CCDC91: variants seen among roughly 807,000 people sequenced by gnomAD.
The protein encoded by CCDC91 is coiled-coil domain-containing protein 91.
CCDC91 carries 48 observed loss-of-function variants against 63.2 expected under a neutral mutation model. That is an observed-to-expected ratio of 0.76 (90% confidence interval 0.60 to 0.97). The LOEUF (loss-of-function observed/expected upper bound fraction) is 0.97, where lower values mean the gene tolerates loss of function less well. Ranked by LOEUF, CCDC91 falls within the 50% of genes least tolerant of loss-of-function variation. The pLI, the probability that CCDC91 is intolerant of heterozygous loss-of-function variation, is 0.00. For synonymous variants in CCDC91, 167 were observed against 165.8 expected, an observed-to-expected ratio of 1.01 and a Z score of -0.06; for missense variants, 500 against 494.6, an observed-to-expected ratio of 1.01 and a Z score of -0.10.
At chr12:28,465,021 G>A (rs1950484468) in intron 11 of CCDC91, among the ~76,000 whole-genome samples, 1 of 152,122 alleles carries the variant, frequency 6.6e-6, no homozygotes, top group South Asian at 2.1e-4. Context: ...AAGAGCCCTT[G>A]GGCCTTAAGG....
Position 28,219,978 on chromosome 12 carries a change from C to G in CCDC91, c.-15+29337C>G, listed in dbSNP as rs138778503. ...TATCTTTTCAACCCTTTAATTTTAT[C>G]TCTTTTGTGTTTTCATAGTAAAAGT... On this transcript the variant is annotated intron_variant, in intron 1 of 12. Transcript: ENST00000536442. Among the ~76,000 whole-genome samples the G allele has an allele frequency of 1.1e-3, 162 of 151,880 alleles. 1 individual carries two copies. Among genetic ancestry groups the G allele is most frequent in the African/African-American group, 3.8e-3 (156 of 41,416 alleles).
At chr12:28,476,616 G>C (rs1172671905) in intron 11 of CCDC91, among the ~76,000 whole-genome samples, 1 of 151,990 alleles carries the variant, frequency 6.6e-6, no homozygotes, top group Non-Finnish European at 1.5e-5. Flanking sequence ...AAATAACTAA[G>C]ATCAGAGCAA....
chr12:28,496,920 GTATATATATACATATATATATACA>G (rs951724782), intron 12 of CCDC91, among the ~76,000 whole-genome samples: 1 of 142,662 alleles, frequency 7.0e-6, no homozygotes, highest in Non-Finnish European at 1.5e-5. Context: ...CATATATAAG[GTATATATATACATATATATATACA>G]TATATATATA....
At chr12:28,546,745 GA>G (rs143112006) in intron 12 of CCDC91, among the ~76,000 whole-genome samples, 15 of 148,652 alleles carry the variant, frequency 1.0e-4, no homozygotes, top group South Asian at 2.1e-4. Flanking sequence ...GGTTTAAAAG[GA>G]AAAAAAAACA....
chr12:28,274,932 A>G (rs560606148), intron 3 of CCDC91, among the ~76,000 whole-genome samples: 1 of 152,242 alleles, frequency 6.6e-6, no homozygotes, highest in South Asian at 2.1e-4. Flanking sequence ...GAGAACAAAG[A>G]CACAACATAC....
chr12:28,267,721 A>ATTATT (rs1555170424), intron 3 of CCDC91, among the ~76,000 whole-genome samples: 6 of 71,330 alleles, frequency 8.4e-5, no homozygotes, highest in African/African-American at 1.9e-4. Context: ...ATAATTATAT[A>ATTATT]TATTATTTAT....
chr12:28,503,748 T>C (rs1390515332), intron 12 of CCDC91, among the ~76,000 whole-genome samples: 1 of 152,106 alleles, frequency 6.6e-6, no homozygotes, highest in Non-Finnish European at 1.5e-5. Flanking sequence ...TGGAATACTA[T>C]GCAGCCATAA....
chr12:28,292,007 T>C (rs1477569269), intron 3 of CCDC91, among the ~76,000 whole-genome samples: 1 of 152,234 alleles, frequency 6.6e-6, no homozygotes. Context: ...AGCAGTTCCT[T>C]GGCCAAATGC....
At chr12:28,544,107 A>AGT (rs1942821450) in intron 12 of CCDC91, among the ~76,000 whole-genome samples, 1 of 150,754 alleles carries the variant, frequency 6.6e-6, no homozygotes, top group South Asian at 2.1e-4. Context: ...CCTGCTGAAA[A>AGT]CTCTCCAATG....
intron 1 of CCDC91, among the ~76,000 whole-genome samples, chr12:28,249,731 T>C (rs1311214355): frequency 6.6e-6 from 1 of 152,058 alleles, no homozygotes; most frequent in Non-Finnish European, 1.5e-5. Context: ...TTTTTTTTTT[T>C]TGAGAGCAGT....
intron 8 of CCDC91, among the ~76,000 whole-genome samples, chr12:28,434,319 T>C (rs1948781752): frequency 6.6e-6 from 1 of 151,804 alleles, no homozygotes; most frequent in South Asian, 2.1e-4. Context: ...AAAAAAATCA[T>C]GAATACCGAT....
At chr12:28,271,060 A>C (rs1947736816) in intron 3 of CCDC91, among the ~76,000 whole-genome samples, 1 of 152,136 alleles carries the variant, frequency 6.6e-6, no homozygotes, top group Admixed American at 6.6e-5. Context: ...CATAGCGTGT[A>C]ATAAAGGGAT....
intron 6 of CCDC91, among the ~76,000 whole-genome samples, chr12:28,322,688 T>C (rs1940629240): frequency 6.6e-6 from 1 of 151,774 alleles, no homozygotes; most frequent in Non-Finnish European, 1.5e-5. Context: ...AAATTTCAAA[T>C]ATAGAAATCC....
chr12:28,333,396 G>GGAA (rs1305312848), intron 6 of CCDC91, among the ~76,000 whole-genome samples: 1 of 89,106 alleles, frequency 1.1e-5, no homozygotes, highest in African/African-American at 4.8e-5. Context: ...CTCCATCTCA[G>GGAA]AAAAAAAAAA....
intron 8 of CCDC91, among the ~76,000 whole-genome samples, chr12:28,441,554 T>C (rs1203333652): frequency 5.3e-5 from 8 of 151,356 alleles, no homozygotes; most frequent in African/African-American, 1.9e-4. Context: ...CTTGTATGGA[T>C]GAGTATTACA....
chr12:28,221,277 T>C (rs1943927172), intron 1 of CCDC91, among the ~76,000 whole-genome samples: 1 of 152,208 alleles, frequency 6.6e-6, no homozygotes, highest in Non-Finnish European at 1.5e-5. Flanking sequence ...CTCATCATCA[T>C]GACCTTTTCT....
chr12:28,441,745 A>G (rs1565979172), intron 8 of CCDC91, among the ~76,000 whole-genome samples: 1 of 150,120 alleles, frequency 6.7e-6, no homozygotes, highest in Admixed American at 6.7e-5. Flanking sequence ...TCATATATAT[A>G]TCTCATATAT....
chr12:28,502,275 T>G (rs1262122843), intron 12 of CCDC91, among the ~76,000 whole-genome samples: 1 of 151,854 alleles, frequency 6.6e-6, no homozygotes, highest in African/African-American at 2.4e-5. Context: ...ACAAGCATTC[T>G]TATACACCAA....
At chr12:28,213,217 C>T (rs1377484511) in intron 1 of CCDC91, among the ~76,000 whole-genome samples, 1 of 152,216 alleles carries the variant, frequency 6.6e-6, no homozygotes, top group Non-Finnish European at 1.5e-5. Context: ...AATGGCTTTC[C>T]CTGAGGAAGT....
Sources: allele counts gnomAD v4.1 joint callset (sites outside exome capture counted in the v4.1 genomes callset), GRCh38; gene constraint gnomAD v4.1.1; transcripts MANE v1.5; gene names NCBI Gene and HGNC (gene_info 2026-07-23, HGNC 2026-07-21).